ARRB1: variants seen among roughly 807,000 people sequenced by gnomAD.
ARRB1 encodes the protein arrestin beta 1.
A neutral mutation model predicts 56.8 loss-of-function variants in ARRB1; 21 were observed. The observed-to-expected ratio is 0.37, with a 90% CI of 0.26 to 0.53. ARRB1 has a LOEUF of 0.53. Among genes scored for constraint, ARRB1 ranks in the 20% least tolerant of loss-of-function variants. The probability of loss-of-function intolerance (pLI) is 0.88; values close to 1 mark genes in which losing one functional copy is unlikely to be tolerated. For synonymous variants in ARRB1, 210 were observed against 218.6 expected (o/e 0.96, Z 0.35); for missense variants, 424 against 553.7 (o/e 0.77, Z 2.35).
At chr11:75,313,571 AC>A (rs910948272) in intron 1 of ARRB1, among the ~76,000 whole-genome samples, 6 of 152,154 alleles carry the variant, frequency 3.9e-5, no homozygotes, top group Non-Finnish European at 7.4e-5. Context: ...AGATCCCGTG[AC>A]TAAGAACTGC....
At chr11:75,320,029 G>A (rs913057036) in intron 1 of ARRB1, among the ~76,000 whole-genome samples, 1 of 152,198 alleles carries the variant, frequency 6.6e-6, no homozygotes, top group African/African-American at 2.4e-5. Context: ...ATCGGGGACA[G>A]GGATGAGACC....
At chr11:75,320,563 C>A (rs1947331354) in intron 1 of ARRB1, among the ~76,000 whole-genome samples, 1 of 152,166 alleles carries the variant, frequency 6.6e-6, no homozygotes, top group Admixed American at 6.5e-5. Flanking sequence ...TCAGGGCCTG[C>A]TCAGCTCTGT....
Position 75,317,970 on chromosome 11 carries a change from G to A in ARRB1, c.21-27931C>T, listed in dbSNP as rs1283168607. 2.0e-5 allele frequency among the ~76,000 whole-genome samples: 3 copies of A among 152,032 alleles called. No homozygotes were observed. In the East Asian group the frequency reaches 5.8e-4, roughly 30 times the overall value. On this transcript the variant is annotated intron_variant, in intron 1 of 15. Coordinates refer to ENST00000420843, the MANE Select transcript of ARRB1 (RefSeq NM_004041.5). ...AGATGTCAAGACAAAGTCCTGACTC[G>A]AAGTCAAAGCCAGGCTCCACCCACC...
intron 1 of ARRB1, among the ~76,000 whole-genome samples, chr11:75,342,250 C>T (rs1367172339): frequency 6.6e-6 from 1 of 152,198 alleles, no homozygotes; most frequent in African/African-American, 2.4e-5. Context: ...CTTCCTGCTT[C>T]CCTCTCCGAG....
At chr11:75,313,328 G>A (rs12360620) in intron 1 of ARRB1, among the ~76,000 whole-genome samples, 11,270 of 152,220 alleles carry the variant, frequency 0.074, 474 homozygotes, top group Admixed American at 0.11. Flanking sequence ...TCCAGCCTGC[G>A]TGACAGAGTG....
intron 1 of ARRB1, among the ~76,000 whole-genome samples, chr11:75,309,060 A>G (rs1311019178): frequency 6.6e-6 from 1 of 152,260 alleles, no homozygotes; most frequent in Non-Finnish European, 1.5e-5. Flanking sequence ...TACCCAGTTC[A>G]GGGGAGGCAA....
chr11:75,285,192 G>A (rs1276587254), intron 3 of ARRB1, among the ~76,000 whole-genome samples: 1 of 152,194 alleles, frequency 6.6e-6, no homozygotes, highest in Non-Finnish European at 1.5e-5. Context: ...TCCCTCATGG[G>A]GCTCCCGTGA....
chr11:75,335,641 T>C (rs560297301), intron 1 of ARRB1, among the ~76,000 whole-genome samples: 2 of 150,774 alleles, frequency 1.3e-5, no homozygotes, highest in Admixed American at 1.3e-4. Flanking sequence ...CCTGCGGAGG[T>C]CTGCTGCTCA....
At chr11:75,312,168 C>A in intron 1 of ARRB1, 1 of 1,286,714 alleles carries the variant, frequency 7.8e-7, no homozygotes, top group South Asian at 1.2e-5. Flanking sequence ...TCGCCCTCCC[C>A]GGGGAGTGGT....
chr11:75,278,224 C>T (rs527626955), intron 8 of ARRB1, among the ~76,000 whole-genome samples: 1 of 152,324 alleles, frequency 6.6e-6, no homozygotes, highest in Admixed American at 6.5e-5. Flanking sequence ...CAGGGCTTGT[C>T]GCCCTGACGC....
intron 10 of ARRB1, among the ~76,000 whole-genome samples, chr11:75,276,496 C>A (rs1202956382): frequency 1.3e-5 from 2 of 152,188 alleles, no homozygotes. Context: ...CCCTGGCTAC[C>A]AGGAAGCCAA....
chr11:75,267,720 TG>T lies in ARRB1; in HGVS notation c.1094-18del. 7.6e-6 allele frequency: 5 copies of T among 658,918 alleles called. No individual in the cohort carries two copies. The highest frequency in any genetic ancestry group is 1.4e-5 in the Non-Finnish European group (5 of 363,798). The allele number at this position is 658,918 out of a possible 1,614,324, so 40.8% of individuals were successfully genotyped here. A position where few individuals can be genotyped will look rare whatever the true frequency, so the allele number is the denominator to read the frequency against. On this transcript the variant is annotated intron_variant, in intron 14 of 15. Transcript: ENST00000420843. ...TCTCTGGAACTAAACACAGGGTGGG[TG>T]GGCAGGGTGTCCAGGGATTAGTGAG...
Position 75,263,315 on chromosome 11 carries a change from G to A in ARRB1, c.*2848C>T, listed in dbSNP as rs1291673770. On this transcript the variant is annotated 3_prime_UTR_variant, in exon 16 of 16. Transcript: ENST00000420843. The stretch of plus-strand genomic sequence containing the variant: ...CCAGAAGCTTGGAAACATGACCTGC[G>A]GCTTCCTCTCCAGGAAGAGGCTGAA... Among the ~76,000 whole-genome samples, 5 of 152,216 alleles carry A rather than the reference G, an allele frequency of 3.3e-5. No homozygotes were observed. Among genetic ancestry groups the A allele is most frequent in the Admixed American group, 1.3e-4 (2 of 15,280 alleles).
intron 13 of ARRB1, chr11:75,270,964 G>A (rs1946064066): frequency 6.6e-6 from 1 of 151,596 alleles, no homozygotes; most frequent in African/African-American, 2.4e-5. Context: ...GAATGGAGCT[G>A]GTGGAAGACT....
chr11:75,306,684 G>A (rs1947039760), intron 1 of ARRB1: 1 of 1,279,154 alleles, frequency 7.8e-7, no homozygotes, highest in Non-Finnish European at 1.0e-6. Flanking sequence ...CCAGGCCAGG[G>A]CCAGCCCCGC....
chr11:75,342,505 G>A (rs1012299087), intron 1 of ARRB1, among the ~76,000 whole-genome samples: 5 of 152,222 alleles, frequency 3.3e-5, no homozygotes, highest in Non-Finnish European at 7.3e-5. Context: ...AAGGGAGGCT[G>A]TCCAGCTGAA....
chr11:75,338,288 A>C (rs1329461744), intron 1 of ARRB1, among the ~76,000 whole-genome samples: 2 of 152,206 alleles, frequency 1.3e-5, no homozygotes, highest in African/African-American at 4.8e-5. Flanking sequence ...GGGACTGAGC[A>C]GAAAGACAGC....
At chr11:75,273,003 G>T in intron 11 of ARRB1, 25 bp from the exon 12 acceptor site, 1 of 1,610,510 alleles carries the variant, frequency 6.2e-7, no homozygotes, top group Non-Finnish European at 8.5e-7. Flanking sequence ...AGGGGAGCCA[G>T]TTCAGGGGCC....
chr11:75,343,642 GTCAGA>G (rs1245654660), intron 1 of ARRB1, among the ~76,000 whole-genome samples: 1 of 152,132 alleles, frequency 6.6e-6, no homozygotes, highest in East Asian at 1.9e-4. Flanking sequence ...GCTGGTAAGT[GTCAGA>G]GCTGGGACTG....
Sources: allele counts gnomAD v4.1 joint callset (sites outside exome capture counted in the v4.1 genomes callset), GRCh38; gene constraint gnomAD v4.1.1; transcripts MANE v1.5; gene names NCBI Gene and HGNC (gene_info 2026-07-23, HGNC 2026-07-21).